Variants in TPO observed in about 807,000 individuals in gnomAD.
The protein encoded by TPO is thyroid microsomal antigen.
TPO carries 78 observed loss-of-function variants against 96.9 expected under a neutral mutation model. The observed-to-expected ratio is 0.81, with a 90% CI of 0.67 to 0.97. TPO has a LOEUF of 0.97. TPO is among the 50% of genes least tolerant of loss of function. TPO has a pLI of 0.00. For missense variants in TPO, 1,252 were observed against 1,274.8 expected, an observed-to-expected ratio of 0.98 and a Z score of 0.27; for synonymous variants, 547 against 538.0, an observed-to-expected ratio of 1.02 and a Z score of -0.23.
intron 1 of TPO, among the ~76,000 whole-genome samples, chr2:1,387,921 C>G (rs1042080494): frequency 6.6e-6 from 1 of 152,128 alleles, no homozygotes; most frequent in Non-Finnish European, 1.5e-5. Context: ...TTAGTTTTCC[C>G]TCTAACAGAC....
chr2:1,489,092 A>C (rs927024123), intron 10 of TPO, among the ~76,000 whole-genome samples: 1 of 149,790 alleles, frequency 6.7e-6, no homozygotes, highest in African/African-American at 2.5e-5. Flanking sequence ...ATACCTGCAC[A>C]TGCCTGCACA....
chr2:1,500,440 A>C lies in TPO; in HGVS notation c.2387-3508A>C, dbSNP rs1473449461. On this transcript the variant is annotated intron_variant, in intron 13 of 16. Transcript: ENST00000329066. ...TGCACTAGAAGTTTCAAAATCGAGA[A>C]TCACAAGGGAAAAAACTCAAGTATA... is the stretch of plus-strand genomic sequence containing the variant. Among the ~76,000 whole-genome samples, 3 of 152,212 alleles carry C rather than the reference A, an allele frequency of 2.0e-5. No homozygotes were observed. The East Asian group carries it at 5.8e-4, about 29-fold the overall frequency.
At chr2:1,386,655 CTCTTTA>C (rs1661899781) in intron 1 of TPO, among the ~76,000 whole-genome samples, 1 of 152,094 alleles carries the variant, frequency 6.6e-6, no homozygotes, top group South Asian at 2.1e-4. Flanking sequence ...TGGGTCTTGA[CTCTTTA>C]TCCAATTTGC....
chr2:1,509,752 C>T (rs1165120231), intron 14 of TPO, among the ~76,000 whole-genome samples: 1 of 151,750 alleles, frequency 6.6e-6, no homozygotes, highest in Non-Finnish European at 1.5e-5. Flanking sequence ...AGGGACACCC[C>T]ACCCCCTTCT....
chr2:1,378,476 G>T (rs901634957), intron 1 of TPO, among the ~76,000 whole-genome samples: 54 of 152,358 alleles, frequency 3.5e-4, no homozygotes, highest in African/African-American at 1.3e-3. Context: ...TGTTACCGAT[G>T]GCTCAGAGCA....
rs750980404 is a variant in TPO at position 1,477,303 on chromosome 2, C to T, written c.1037C>T (p.Ala346Val). 222 of 1,585,032 alleles carry T rather than the reference C, an allele frequency of 1.4e-4. No individual in the cohort carries two copies. Among genetic ancestry groups the T allele is most frequent in the Non-Finnish European group, 1.9e-4 (217 of 1,166,998 alleles). Residue 346 changes from alanine (A) to valine (V), a missense_variant, in exon 8 of 17, where the codon GCC becomes GTC. Transcript: ENST00000329066. ...LERQLRNWTS[A>V]EGLLRVHARL... ...AGGCAGCTGCGGAACTGGACCAGTG[C>T]CGAAGGGCTGCTCCGCGTCCACGCG...
At chr2:1,393,164 A>G (rs1662029281) in intron 1 of TPO, among the ~76,000 whole-genome samples, 1 of 152,182 alleles carries the variant, frequency 6.6e-6, no homozygotes, top group South Asian at 2.1e-4. Context: ...TTCCAATTGT[A>G]GCGGAAGGCA....
intron 6 of TPO, among the ~76,000 whole-genome samples, chr2:1,454,398 C>T (rs992621082): frequency 1.2e-4 from 18 of 152,130 alleles, no homozygotes; most frequent in African/African-American, 3.1e-4. Flanking sequence ...GCCCAAAGAG[C>T]GCAGGTGGTG....
At position 1,391,210 on chromosome 2, in the gene TPO, G is replaced by T. The variant is rs565173845; in HGVS notation, n.180+16808G>T. ...TCCATCTTGAATTAATTTTGTATAA[G>T]ATGTAAGGAAAGGATCCAGTTTCAG... On this transcript the variant is annotated intron_variant and non_coding_transcript_variant, in intron 1 of 5. Transcript: ENST00000497517. Among the ~76,000 whole-genome samples the T allele has an allele frequency of 5.4e-3, 829 of 152,310 alleles. 9 individuals are homozygous for T. Among genetic ancestry groups the T allele is most frequent in the African/African-American group, 0.018 (759 of 41,560 alleles).
At chr2:1,513,545 C>G (rs143441404) in intron 14 of TPO, 1 of 152,246 alleles carries the variant, frequency 6.6e-6, no homozygotes, top group Non-Finnish European at 1.5e-5. Context: ...CCGGCCAGCC[C>G]GTGTGCTGAT....
At chr2:1,491,401 T>C (rs890609308) in intron 10 of TPO, among the ~76,000 whole-genome samples, 2 of 152,240 alleles carry the variant, frequency 1.3e-5, no homozygotes, top group Non-Finnish European at 2.9e-5. Context: ...GAAATTACCC[T>C]TCTAACTTCG....
At chr2:1,464,404 G>T (rs1158706614) in intron 7 of TPO, among the ~76,000 whole-genome samples, 1 of 152,154 alleles carries the variant, frequency 6.6e-6, no homozygotes, top group African/African-American at 2.4e-5. Context: ...TTTCCTCTGG[G>T]TAGATACCCA....
chr2:1,496,708 C>T lies in TPO; in HGVS notation c.2329C>T (p.Arg777Trp), dbSNP rs745501383. The change falls in exon 13 of 17, where the codon CGG becomes TGG. Residue 777 changes from arginine (R) to tryptophan (W), a missense_variant. Arg to Trp is a moderately radical substitution (Grantham distance 101). Transcript: ENST00000329066. ...SCRHGYELQG[R>W]EQLTCTQEGW... The stretch of plus-strand genomic sequence containing the variant: ...CCGGCACGGGTATGAGCTCCAAGGC[C>T]GGGAGCAGCTCACTTGCACCCAGGA... The T allele has an allele frequency of 9.9e-6, 16 of 1,614,092 alleles. No homozygotes were observed. Among genetic ancestry groups the T allele is most frequent in the East Asian group, 4.5e-5 (2 of 44,868 alleles).
upstream of TPO, among the ~76,000 whole-genome samples, chr2:1,411,359 C>T (rs986411478): frequency 3.9e-5 from 6 of 152,252 alleles, no homozygotes; most frequent in South Asian, 2.1e-4. Context: ...GTTGATGTGC[C>T]GGCTCGGCCT....
intron 2 of TPO, among the ~76,000 whole-genome samples, chr2:1,422,391 G>GCTGGACCGACCTCGTGCAGCCGCCTCTC (rs1663825998): frequency 1.9e-5 from 1 of 51,906 alleles, no homozygotes; most frequent in African/African-American, 1.1e-4. Flanking sequence ...CAGGCGCCGC[G>GCTGGACCGACCTCGTGCAGCCGCCTCTC]CTGGGCCATG....
At chr2:1,495,932 C>T in intron 11 of TPO, 57 bp from the exon 12 acceptor site, 1 of 1,566,476 alleles carries the variant, frequency 6.4e-7, no homozygotes, top group Non-Finnish European at 8.7e-7. Context: ...GTCTTGAGTG[C>T]CTGCCCTGGG....
chr2:1,466,244 C>T (rs2148635644), intron 7 of TPO, among the ~76,000 whole-genome samples: 1 of 152,264 alleles, frequency 6.6e-6, no homozygotes, highest in East Asian at 1.9e-4. Flanking sequence ...ATGAAACCCA[C>T]CTGATCATGG....
intron 1 of TPO, among the ~76,000 whole-genome samples, chr2:1,391,923 G>T (rs1453299206): frequency 6.6e-6 from 1 of 152,158 alleles, no homozygotes; most frequent in Non-Finnish European, 1.5e-5. Context: ...GGGCTGAGAC[G>T]ATGGGGTTTT....
chr2:1,502,103 T>A (rs960692806), intron 13 of TPO, among the ~76,000 whole-genome samples: 4 of 152,006 alleles, frequency 2.6e-5, no homozygotes, highest in African/African-American at 9.7e-5. Context: ...GTAGCGTTCA[T>A]GGGTGATGAC....
Sources: allele counts gnomAD v4.1 joint callset (sites outside exome capture counted in the v4.1 genomes callset), GRCh38; gene constraint gnomAD v4.1.1; transcripts MANE v1.5; gene names NCBI Gene and HGNC (gene_info 2026-07-23, HGNC 2026-07-21).